The following ARHGEF12 variants were observed in gnomAD, a reference collection of about 807,000 sequenced individuals.
ARHGEF12 encodes KMT2A/ARHGEF12 fusion protein.
ARHGEF12 carries 66 observed loss-of-function variants against 211.2 expected under a neutral mutation model. That is an observed-to-expected ratio of 0.31 (90% confidence interval 0.26 to 0.38). ARHGEF12 has a LOEUF of 0.38. Ranked by LOEUF, ARHGEF12 falls within the 10% of genes least tolerant of loss-of-function variation. ARHGEF12 has a pLI of 1.00. For synonymous variants in ARHGEF12, 592 were observed against 638.4 expected (o/e 0.93, Z 1.09); for missense variants, 1,429 against 1,869.5 (o/e 0.76, Z 4.34).
intron 1 of ARHGEF12, among the ~76,000 whole-genome samples, chr11:120,390,764 G>A (rs368645236): frequency 2.0e-4 from 31 of 152,080 alleles, no homozygotes; most frequent in Non-Finnish European, 3.8e-4. Context: ...GTAGTCCAGG[G>A]GTTGAAAGCA....
intron 27 of ARHGEF12, among the ~76,000 whole-genome samples, chr11:120,460,960 A>G (rs1591622620): frequency 6.6e-6 from 1 of 152,234 alleles, no homozygotes; most frequent in Non-Finnish European, 1.5e-5. Context: ...ATCCATTAAA[A>G]GTCATACCAT....
At chr11:120,357,383 G>A (rs953925469) in intron 1 of ARHGEF12, among the ~76,000 whole-genome samples, 1 of 152,148 alleles carries the variant, frequency 6.6e-6, no homozygotes, top group Non-Finnish European at 1.5e-5. Context: ...TAGGAACTTC[G>A]AGTCTAATAG....
At position 120,336,929 on chromosome 11, in the gene ARHGEF12, C is replaced by G. The variant is rs1942367608; in HGVS notation, c.-315C>G. 2.3e-6 allele frequency: 1 copy of G among 444,244 alleles called. No individual in the cohort carries two copies. The allele number at this position is 444,244 out of a possible 1,614,324, so 27.5% of individuals were successfully genotyped here. On this transcript the variant is annotated 5_prime_UTR_variant, in exon 1 of 41. Coordinates refer to ENST00000397843, the MANE Select transcript of ARHGEF12 (RefSeq NM_015313.3). Reference sequence around the variant, plus strand: ...CCGGCGGGAGTCCCGGGTCCCCTTCCCACTGCGCGCGGATTTCCCTCTCTG... The same window carrying G: ...CCGGCGGGAGTCCCGGGTCCCCTTCGCACTGCGCGCGGATTTCCCTCTCTG...
rs1266193187 is a variant in ARHGEF12 at position 120,480,359 on chromosome 11, G to C, written c.4166G>C (p.Ser1389Thr). Residue 1389 changes from serine (S) to threonine (T), a missense_variant, in exon 38 of 41, where the codon AGT becomes ACT. Ser to Thr is a moderately conservative substitution (Grantham distance 58). Coordinates refer to ENST00000397843, the MANE Select transcript of ARHGEF12 (RefSeq NM_015313.3). ...EHFFDAREAH[S>T]DENPSEGDGA... ...TTTTTTGATGCCCGTGAAGCACATA[G>C]TGATGAGAATCCATCAGAAGGTGAT... is the stretch of plus-strand genomic sequence containing the variant. 1 of 1,614,104 alleles carries C rather than the reference G, an allele frequency of 6.2e-7. No homozygotes were observed. The highest frequency in any genetic ancestry group is 8.5e-7 in the Non-Finnish European group (1 of 1,180,046).
intron 1 of ARHGEF12, among the ~76,000 whole-genome samples, chr11:120,358,449 A>G (rs893244239): frequency 6.6e-6 from 1 of 152,088 alleles, no homozygotes. Context: ...TGGCTGACTG[A>G]TAAGATGGAA....
rs866390294 is a variant in ARHGEF12 at position 120,412,860 on chromosome 11, C to G, written c.199+3410C>G. On this transcript the variant is annotated intron_variant, in intron 4 of 40. Coordinates refer to ENST00000397843, the MANE Select transcript of ARHGEF12 (RefSeq NM_015313.3). ...TTGACTTCTCCATTTTCCGTCGTCC[C>G]CTGTGGTCAGCTATTTGCCAGGTCC... 5.9e-5 allele frequency among the ~76,000 whole-genome samples: 9 copies of G among 152,254 alleles called. No homozygotes were observed. The South Asian group carries it at 6.2e-4, about 11-fold the overall frequency.
chr11:120,394,800 G>A (rs930974806), intron 1 of ARHGEF12, among the ~76,000 whole-genome samples: 4 of 151,970 alleles, frequency 2.6e-5, no homozygotes, highest in African/African-American at 9.7e-5. Flanking sequence ...GCTCACGCCT[G>A]TAATCCCAGC....
At chr11:120,337,823 T>C in intron 1 of ARHGEF12, 1 of 985,336 alleles carries the variant, frequency 1.0e-6, no homozygotes, top group East Asian at 1.1e-4. Context: ...TACCAGTAAA[T>C]CACAGGTTCT....
intron 1 of ARHGEF12, among the ~76,000 whole-genome samples, chr11:120,345,539 T>TA (rs1429681119): frequency 1.3e-5 from 2 of 151,882 alleles, no homozygotes; most frequent in African/African-American, 4.8e-5. Context: ...CCGTCTCTGC[T>TA]AAAAATAGAA....
At chr11:120,479,922 AAT>A in intron 37 of ARHGEF12, 36 bp from the exon 38 acceptor site, 1 of 1,558,424 alleles carries the variant, frequency 6.4e-7, no homozygotes, top group Non-Finnish European at 8.8e-7. Flanking sequence ...TATAGTTGTG[AAT>A]ATGTTTTTTT....
chr11:120,356,098 A>G (rs751388522), intron 1 of ARHGEF12, among the ~76,000 whole-genome samples: 4 of 152,266 alleles, frequency 2.6e-5, no homozygotes, highest in Non-Finnish European at 5.9e-5. Flanking sequence ...GATTCAGGCT[A>G]GGAGCAATCT....
intron 30 of ARHGEF12, 72 bp from the exon 31 acceptor site, chr11:120,472,978 G>A: frequency 6.9e-7 from 1 of 1,449,604 alleles, no homozygotes; most frequent in Non-Finnish European, 9.6e-7. Context: ...TAAATGCCAA[G>A]TTTGATTCAG....
At chr11:120,445,275 T>C (rs1377698619) in intron 15 of ARHGEF12, 147 bp from the exon 16 acceptor site, 1 of 745,994 alleles carries the variant, frequency 1.3e-6, no homozygotes, top group Non-Finnish European at 2.3e-6. Context: ...TCTGGAGTTG[T>C]GAAATGTGAA....
At chr11:120,409,228 C>G in intron 3 of ARHGEF12, 166 bp from the exon 4 acceptor site, 1 of 576,310 alleles carries the variant, frequency 1.7e-6, no homozygotes. Flanking sequence ...ATGTCATTAC[C>G]TGTGCTGTTT....
rs1385326167 is a variant in ARHGEF12, at chr11:120,488,321, A to G, written c.*3244A>G. 2.3e-5 allele frequency: 5 copies of G among 214,012 alleles called. No individual in the cohort carries two copies. Among genetic ancestry groups the G allele is most frequent in the Admixed American group, 1.2e-4 (2 of 17,162 alleles). 13.3% of individuals were successfully genotyped at this position (214,012 alleles called of 1,614,324 possible). A position where few individuals can be genotyped will look rare whatever the true frequency, so the allele number is the denominator to read the frequency against. On this transcript the variant is annotated 3_prime_UTR_variant, in exon 41 of 41. Coordinates refer to ENST00000397843, the MANE Select transcript of ARHGEF12 (RefSeq NM_015313.3). ...AGCTTTGGTCAGTATTTCCTTCCCT[A>G]TATGTCACAGAGGGCACCACTGAGA...
At chr11:120,481,930 T>G (rs1947254290) in intron 39 of ARHGEF12, among the ~76,000 whole-genome samples, 1 of 152,094 alleles carries the variant, frequency 6.6e-6, no homozygotes, top group Admixed American at 6.5e-5. Flanking sequence ...CAGCTAATTT[T>G]TTGTATTTTT....
intron 22 of ARHGEF12, among the ~76,000 whole-genome samples, chr11:120,456,209 C>A (rs576039423): frequency 3.2e-4 from 49 of 151,984 alleles, no homozygotes; most frequent in Non-Finnish European, 6.3e-4. Flanking sequence ...GTAAAAAATT[C>A]TTTTAATGAT....
intron 1 of ARHGEF12, among the ~76,000 whole-genome samples, chr11:120,360,209 G>C (rs536631337): frequency 6.6e-6 from 1 of 152,140 alleles, no homozygotes; most frequent in African/African-American, 2.4e-5. Context: ...AGGGAAAGTG[G>C]TGAGAAAAGA....
At chr11:120,413,701 A>G (rs562230769) in intron 4 of ARHGEF12, among the ~76,000 whole-genome samples, 46 of 152,196 alleles carry the variant, frequency 3.0e-4, no homozygotes, top group Non-Finnish European at 5.6e-4. Context: ...TTACTCATAA[A>G]ACATGTATGT....
Sources: gnomAD v4.1 joint callset for allele counts (sites outside exome capture counted in the v4.1 genomes callset) on GRCh38, gnomAD v4.1.1 for gene constraint, MANE v1.5 for transcripts, NCBI Gene and HGNC (gene_info 2026-07-23, HGNC 2026-07-21) for gene names.